CSMD1: variants seen among roughly 807,000 people sequenced by gnomAD.
CSMD1 encodes the protein CUB and sushi domain-containing protein 1.
Under a neutral mutation model 417.5 loss-of-function variants are expected in CSMD1, and 213 were observed. That is an observed-to-expected ratio of 0.51 (90% CI 0.46 to 0.57). The LOEUF (loss-of-function observed/expected upper bound fraction) is 0.57, where lower values mean the gene tolerates loss of function less well. CSMD1 is among the 20% of genes least tolerant of loss of function. The probability of loss-of-function intolerance (pLI) is 0.00; values close to 1 mark genes in which losing one functional copy is unlikely to be tolerated. For missense variants in CSMD1, 6,923 were observed against 4,529.7 expected, an observed-to-expected ratio of 1.53 and a Z score of -15.17; for synonymous variants, 2,862 against 1,736.8, an observed-to-expected ratio of 1.65 and a Z score of -16.11.
At chr8:3,738,535 G>A (rs534162688) in intron 6 of CSMD1, among the ~76,000 whole-genome samples, 6 of 152,256 alleles carry the variant, frequency 3.9e-5, no homozygotes, top group South Asian at 2.1e-4. Flanking sequence ...TGGTCCTGCC[G>A]CCAAACATGA....
chr8:3,778,651 G>A (rs1011711984), intron 5 of CSMD1, among the ~76,000 whole-genome samples: 5 of 152,170 alleles, frequency 3.3e-5, no homozygotes. Flanking sequence ...CCTTTCTCCA[G>A]GTTGTTTCTG....
intron 12 of CSMD1, among the ~76,000 whole-genome samples, chr8:3,430,225 T>G (rs12676218): frequency 0.014 from 2,068 of 152,292 alleles, 50 homozygotes; most frequent in East Asian, 0.099. Flanking sequence ...TATGTAGGAC[T>G]ATCTGCTATA....
chr8:4,338,614 C>A (rs899342637), intron 3 of CSMD1, among the ~76,000 whole-genome samples: 2 of 152,072 alleles, frequency 1.3e-5, no homozygotes, highest in Admixed American at 1.3e-4. Flanking sequence ...GCAATTAAAT[C>A]TTTAAATTAG....
At chr8:4,359,358 A>T (rs541207936) in intron 3 of CSMD1, among the ~76,000 whole-genome samples, 1 of 152,244 alleles carries the variant, frequency 6.6e-6, no homozygotes, top group Non-Finnish European at 1.5e-5. Flanking sequence ...CACTATAATT[A>T]TCTACAGAAA....
chr8:4,021,848 A>G (rs780413689), intron 4 of CSMD1, among the ~76,000 whole-genome samples: 4 of 152,128 alleles, frequency 2.6e-5, no homozygotes, highest in African/African-American at 4.8e-5. Context: ...TGGCTCAGAG[A>G]TAACAATGAA....
rs576903930 is a variant in CSMD1 at position 4,446,459 on chromosome 8, G to A, written c.303-26394C>T. On this transcript the variant is annotated intron_variant, in intron 2 of 69. Transcript: ENST00000635120. ...GCTACTCAGGTGGCTGAGGTGGGAC[G>A]ATCACCGAACTTGGGAGACTGAGGC... 7.2e-5 allele frequency among the ~76,000 whole-genome samples: 11 copies of A among 152,066 alleles called. No individual in the cohort carries two copies. In the South Asian group the frequency reaches 1.2e-3, roughly 17 times the overall value.
Position 3,087,007 on chromosome 8 carries a change from CTTAG to C in CSMD1, c.7474+86_7474+89del, listed in dbSNP as rs1465296517. 79 of 1,171,544 alleles carry C rather than the reference CTTAG, an allele frequency of 6.7e-5. 1 individual carries two copies. The highest frequency in any genetic ancestry group is 2.9e-4 in the Middle Eastern group (1 of 3,472). 72.6% of individuals were successfully genotyped at this position (1,171,544 alleles called of 1,614,324 possible). ...ATTCAATTTTTCCTTACCTTTTATT[CTTAG>C]TTAGTGCTTCATTTATTTTCAGAGA... On this transcript the variant is annotated intron_variant, in intron 49 of 69. Coordinates refer to ENST00000635120, the MANE Select transcript of CSMD1 (RefSeq NM_033225.6).
At chr8:4,515,001 C>T (rs1803038460) in intron 2 of CSMD1, among the ~76,000 whole-genome samples, 1 of 152,134 alleles carries the variant, frequency 6.6e-6, no homozygotes, top group Non-Finnish European at 1.5e-5. Context: ...CATTTTATTT[C>T]CATGGCAGCT....
chr8:4,553,843 G>T (rs530976911), intron 2 of CSMD1, among the ~76,000 whole-genome samples: 1 of 152,140 alleles, frequency 6.6e-6, no homozygotes, highest in Non-Finnish European at 1.5e-5. Context: ...GGGTTAGCTG[G>T]GAAGACACAG....
intron 2 of CSMD1, among the ~76,000 whole-genome samples, chr8:4,550,438 A>C (rs952442748): frequency 4.6e-5 from 7 of 152,022 alleles, no homozygotes; most frequent in Non-Finnish European, 7.4e-5. Context: ...TATTAAAAAA[A>C]CTGTAAACTA....
At chr8:4,246,368 AG>A (rs1327218338) in intron 3 of CSMD1, among the ~76,000 whole-genome samples, 1 of 152,156 alleles carries the variant, frequency 6.6e-6, no homozygotes, top group Non-Finnish European at 1.5e-5. Flanking sequence ...TTAGAAGAGT[AG>A]TTCTTGATAA....
intron 8 of CSMD1, among the ~76,000 whole-genome samples, chr8:3,601,121 G>T (rs538293406): frequency 6.6e-6 from 1 of 152,166 alleles, no homozygotes; most frequent in Non-Finnish European, 1.5e-5. Context: ...GTATATCACT[G>T]CTAGATGTAG....
intron 42 of CSMD1, 81 bp from the exon 43 acceptor site, chr8:3,110,416 C>A (rs1356531211): frequency 6.8e-6 from 8 of 1,179,044 alleles, no homozygotes; most frequent in African/African-American, 6.3e-5. Flanking sequence ...CTCCAAAGTA[C>A]CTTAGCCAAC....
At chr8:4,173,113 G>A (rs566244893) in intron 3 of CSMD1, among the ~76,000 whole-genome samples, 4 of 152,128 alleles carry the variant, frequency 2.6e-5, no homozygotes, top group East Asian at 3.9e-4. Flanking sequence ...CCACACGGAG[G>A]AAGTAACTAT....
intron 7 of CSMD1, among the ~76,000 whole-genome samples, chr8:3,681,668 T>C (rs1799670218): frequency 6.6e-6 from 1 of 152,156 alleles, no homozygotes; most frequent in African/African-American, 2.4e-5. Context: ...ATGACTTTCT[T>C]CACAGAATTG....
Position 4,378,039 on chromosome 8 carries a change from G to A in CSMD1, c.415+41914C>T, listed in dbSNP as rs771834953. Among the ~76,000 whole-genome samples the A allele has an allele frequency of 2.0e-5, 3 of 152,130 alleles. No individual in the cohort carries two copies. The South Asian group carries it at 6.2e-4, about 32-fold the overall frequency. Reference sequence around the variant, plus strand: ...TATTTGTATTCCCTCTAATATACAGGTAAGTGTAACACCCACTACTCATTC... The same window carrying A: ...TATTTGTATTCCCTCTAATATACAGATAAGTGTAACACCCACTACTCATTC... On this transcript the variant is annotated intron_variant, in intron 3 of 69. Transcript: ENST00000635120.
At chr8:4,607,490 G>C (rs75897744) in intron 2 of CSMD1, among the ~76,000 whole-genome samples, 1 of 152,090 alleles carries the variant, frequency 6.6e-6, no homozygotes, top group African/African-American at 2.4e-5. Flanking sequence ...AAAACCCAGG[G>C]TGTGTGCCAA....
intron 2 of CSMD1, among the ~76,000 whole-genome samples, chr8:4,581,734 G>C (rs1799427855): frequency 6.6e-6 from 1 of 152,140 alleles, no homozygotes; most frequent in South Asian, 2.1e-4. Flanking sequence ...AATTCCCAGA[G>C]GGCCCTCACC....
intron 1 of CSMD1, among the ~76,000 whole-genome samples, chr8:4,963,221 G>T (rs965523119): frequency 6.6e-6 from 1 of 152,090 alleles, no homozygotes; most frequent in Non-Finnish European, 1.5e-5. Context: ...TTTTATTTGA[G>T]ATGGAGTCTT....
Sources: allele counts gnomAD v4.1 joint callset (sites outside exome capture counted in the v4.1 genomes callset), GRCh38; gene constraint gnomAD v4.1.1; transcripts MANE v1.5; gene names NCBI Gene and HGNC (gene_info 2026-07-23, HGNC 2026-07-21).